PBLD: variants seen among roughly 807,000 people sequenced by gnomAD.
PBLD encodes phenazine biosynthesis like protein domain containing.
PBLD carries 26 observed loss-of-function variants against 31.3 expected under a neutral mutation model. The ratio of observed to expected loss-of-function variants is 0.83; its 90% confidence interval spans 0.61 to 1.15. PBLD has a LOEUF of 1.15. PBLD is among the 50% of genes most tolerant of loss of function. The pLI, the probability that PBLD is intolerant of heterozygous loss-of-function variation, is 0.00. For synonymous variants in PBLD, 114 were observed against 129.0 expected (o/e 0.88, Z 0.79); for missense variants, 307 against 351.7 (o/e 0.87, Z 1.02).
chr10:68,302,324 T>G (rs1402195752), intron 2 of PBLD, among the ~76,000 whole-genome samples: 2 of 152,212 alleles, frequency 1.3e-5, no homozygotes, highest in East Asian at 3.8e-4. Flanking sequence ...CGAGGTTCCA[T>G]CGCCTTATGA....
intron 4 of PBLD, among the ~76,000 whole-genome samples, chr10:68,293,523 T>A (rs1182588010): frequency 6.6e-6 from 1 of 152,224 alleles, no homozygotes; most frequent in Non-Finnish European, 1.5e-5. Flanking sequence ...TAACTTTTAT[T>A]GAGCATAAAA....
chr10:68,296,448 A>T, intron 3 of PBLD, 84 bp from the exon 4 acceptor site: 1 of 1,043,902 alleles, frequency 9.6e-7, no homozygotes, highest in Non-Finnish European at 1.4e-6. Context: ...TTTCCTATAT[A>T]GTTCTCTAGC....
intron 1 of PBLD, among the ~76,000 whole-genome samples, chr10:68,322,494 C>T (rs918060660): frequency 1.4e-5 from 2 of 146,348 alleles, no homozygotes; most frequent in African/African-American, 5.2e-5. Context: ...GATCTCATCT[C>T]GACAAAAAAT....
At chr10:68,330,515 A>G (rs2045019604) in intron 1 of PBLD, among the ~76,000 whole-genome samples, 1 of 151,980 alleles carries the variant, frequency 6.6e-6, no homozygotes, top group Admixed American at 6.6e-5. Context: ...GTATGTTCCT[A>G]CCTTTGTACT....
chr10:68,288,895 C>A, intron 7 of PBLD, 36 bp downstream of exon 7: 1 of 1,573,024 alleles, frequency 6.4e-7, no homozygotes, highest in Non-Finnish European at 8.7e-7. Flanking sequence ...GGGTACTCAG[C>A]CCTCCCCAAA....
chr10:68,295,267 C>A (rs1198297783), intron 4 of PBLD, among the ~76,000 whole-genome samples: 4 of 150,966 alleles, frequency 2.6e-5, no homozygotes, highest in Non-Finnish European at 5.9e-5. Context: ...CCAAGGTGGG[C>A]AGACCACTTG....
chr10:68,301,465 A>G lies in PBLD; in HGVS notation c.85-4480T>C, dbSNP rs79883006. On this transcript the variant is annotated intron_variant, in intron 2 of 9. Transcript: ENST00000358769. The stretch of plus-strand genomic sequence containing the variant: ...TGGAAACTGGTCCAGATGCACATGC[A>G]CACAACACCTGATAGAAACTGGGAG... Among the ~76,000 whole-genome samples, 1,020 of 152,326 alleles carry G rather than the reference A, an allele frequency of 6.7e-3. 15 individuals are homozygous for G. The highest frequency in any genetic ancestry group is 0.023 in the African/African-American group (946 of 41,560).
At position 68,284,184 on chromosome 10, in the gene PBLD, G is replaced by A; in HGVS notation, c.860C>T (p.Thr287Ile). 1 of 1,613,568 alleles carries A rather than the reference G, an allele frequency of 6.2e-7. No homozygotes were observed. The highest frequency in any genetic ancestry group is 8.5e-7 in the Non-Finnish European group (1 of 1,179,516). The part of the protein sequence containing the change: ...GAAVVLEGTL[T>I]A ...GTCACAGCATAACCACCTCTAGGCTGTCAGTGTGCCCTCTAAAACAACAGC... is the reference window on the plus strand; with the variant it reads ...GTCACAGCATAACCACCTCTAGGCTATCAGTGTGCCCTCTAAAACAACAGC... Residue 287 changes from threonine (T) to isoleucine (I), a missense_variant, in exon 10 of 10, where the codon ACA (threonine) becomes ATA (isoleucine). Thr to Ile is a moderately conservative substitution (Grantham distance 89). Transcript: ENST00000358769.
At chr10:68,301,439 G>A (rs1262548265) in intron 2 of PBLD, among the ~76,000 whole-genome samples, 1 of 152,158 alleles carries the variant, frequency 6.6e-6, no homozygotes, top group Non-Finnish European at 1.5e-5. Flanking sequence ...AATGTTTTCT[G>A]TGGAAACTGG....
At chr10:68,299,748 C>T (rs1248048195) in intron 2 of PBLD, among the ~76,000 whole-genome samples, 2 of 151,964 alleles carry the variant, frequency 1.3e-5, no homozygotes. Flanking sequence ...CCCAGCTACT[C>T]AGGAGGTTGA....
At chr10:68,309,686 T>TGGC (rs1564733742) in intron 1 of PBLD, among the ~76,000 whole-genome samples, 1 of 148,418 alleles carries the variant, frequency 6.7e-6, no homozygotes, top group Non-Finnish European at 1.5e-5. Flanking sequence ...CACATGCCTG[T>TGGC]AATCCCAGCT....
chr10:68,288,681 G>T lies in PBLD; in HGVS notation c.513-20C>A, dbSNP rs571147470. On this transcript the variant is annotated intron_variant, in intron 7 of 9. Coordinates refer to ENST00000358769, the MANE Select transcript of PBLD (RefSeq NM_022129.4). ...AACGACCTTGTTCATAAACAAGATG[G>T]ATTAGGACAAACCCATTTCACAGCC... The T allele has an allele frequency of 2.5e-6, 4 of 1,611,136 alleles. No individual in the cohort carries two copies. Among genetic ancestry groups the T allele is most frequent in the Non-Finnish European group, 3.4e-6 (4 of 1,178,442 alleles).
At chr10:68,329,967 T>C (rs1052680815) in intron 1 of PBLD, among the ~76,000 whole-genome samples, 1 of 152,102 alleles carries the variant, frequency 6.6e-6, no homozygotes, top group Non-Finnish European at 1.5e-5. Flanking sequence ...AGGCACTTCA[T>C]CTGTAAAATG....
At chr10:68,290,239 C>T (rs1024229710) in intron 6 of PBLD, among the ~76,000 whole-genome samples, 2 of 152,176 alleles carry the variant, frequency 1.3e-5, no homozygotes, top group Admixed American at 6.5e-5. Context: ...GGCCAAGATA[C>T]TCCAGTTCCC....
At chr10:68,295,363 T>G (rs1371786721) in intron 4 of PBLD, among the ~76,000 whole-genome samples, 1 of 151,602 alleles carries the variant, frequency 6.6e-6, no homozygotes, top group Non-Finnish European at 1.5e-5. Context: ...TGTGGTGGTG[T>G]GCACCTGGGG....
At chr10:68,294,978 C>T (rs2044406171) in intron 4 of PBLD, among the ~76,000 whole-genome samples, 1 of 152,134 alleles carries the variant, frequency 6.6e-6, no homozygotes, top group Admixed American at 6.6e-5. Flanking sequence ...TTCCTTGTTT[C>T]CATTTCCGTT....
At chr10:68,326,684 A>G (rs2044925944) in intron 1 of PBLD, among the ~76,000 whole-genome samples, 1 of 152,246 alleles carries the variant, frequency 6.6e-6, no homozygotes, top group African/African-American at 2.4e-5. Flanking sequence ...GCATGGAACT[A>G]GAATTAACAT....
chr10:68,296,801 G>C, intron 3 of PBLD, 85 bp downstream of exon 3: 1 of 1,182,644 alleles, frequency 8.5e-7, no homozygotes, highest in Non-Finnish European at 1.2e-6. Flanking sequence ...CGCAGGAGGC[G>C]GAGGTTGCAG....
chr10:68,289,102 T>C, intron 6 of PBLD, 83 bp from the exon 7 acceptor site: 1 of 1,051,104 alleles, frequency 9.5e-7, no homozygotes. Flanking sequence ...GACCTCTCAT[T>C]GAGCATCCAC....
Sources: allele counts gnomAD v4.1 joint callset (sites outside exome capture counted in the v4.1 genomes callset), GRCh38; gene constraint gnomAD v4.1.1; transcripts MANE v1.5; gene names NCBI Gene and HGNC (gene_info 2026-07-23, HGNC 2026-07-21).